NRXN3: variants seen among roughly 807,000 people sequenced by gnomAD.
NRXN3 encodes neurexin III.
NRXN3 carries 32 observed loss-of-function variants against 137.6 expected under a neutral mutation model. The ratio of observed to expected loss-of-function variants is 0.23; its 90% CI spans 0.18 to 0.31. The LOEUF (loss-of-function observed/expected upper bound fraction) is 0.31. NRXN3 is among the 10% of genes least tolerant of loss of function. NRXN3 has a pLI of 1.00. For synonymous variants in NRXN3, 798 were observed against 784.5 expected, an observed-to-expected ratio of 1.02 and a Z score of -0.29; for missense variants, 1,574 against 2,062.5, an observed-to-expected ratio of 0.76 and a Z score of 4.59.
At chr14:78,632,272 C>CT (rs1260605061) in intron 4 of NRXN3, among the ~76,000 whole-genome samples, 1 of 152,072 alleles carries the variant, frequency 6.6e-6, no homozygotes, top group Non-Finnish European at 1.5e-5. Context: ...GTTAATACCT[C>CT]TAAGTTTTTG....
intron 15 of NRXN3, among the ~76,000 whole-genome samples, chr14:79,429,123 A>G (rs2095704173): frequency 6.6e-6 from 1 of 152,182 alleles, no homozygotes; most frequent in Non-Finnish European, 1.5e-5. Flanking sequence ...GTGACATGAA[A>G]TCACAGAATT....
At chr14:79,537,647 T>G (rs1289886715) in intron 16 of NRXN3, among the ~76,000 whole-genome samples, 2 of 152,208 alleles carry the variant, frequency 1.3e-5, no homozygotes, top group African/African-American at 4.8e-5. Context: ...CTGCATAGTA[T>G]TCCATGGTGT....
intron 16 of NRXN3, among the ~76,000 whole-genome samples, chr14:79,614,786 C>T (rs1322942910): frequency 6.6e-6 from 1 of 152,174 alleles, no homozygotes; most frequent in African/African-American, 2.4e-5. Flanking sequence ...TACCAGAATC[C>T]CTAGCATCTA....
intron 15 of NRXN3, among the ~76,000 whole-genome samples, chr14:79,141,184 C>T (rs2058754890): frequency 1.3e-5 from 2 of 152,150 alleles, no homozygotes; most frequent in African/African-American, 4.8e-5. Flanking sequence ...CAACACAGCT[C>T]ATGCCAGTGG....
chr14:79,479,352 T>A (rs1303653239), intron 16 of NRXN3, among the ~76,000 whole-genome samples: 1 of 152,066 alleles, frequency 6.6e-6, no homozygotes, highest in East Asian at 1.9e-4. Context: ...GTTAAACTAG[T>A]GGCATTACCT....
chr14:78,547,874 A>G (rs2096651313), intron 4 of NRXN3, among the ~76,000 whole-genome samples: 1 of 152,162 alleles, frequency 6.6e-6, no homozygotes, highest in Non-Finnish European at 1.5e-5. Flanking sequence ...TAAACAAGAA[A>G]AATACATTCA....
At chr14:79,774,817 A>T (rs978153096) in intron 19 of NRXN3, among the ~76,000 whole-genome samples, 9 of 152,126 alleles carry the variant, frequency 5.9e-5, no homozygotes, top group African/African-American at 2.2e-4. Context: ...TTTGCTCTCT[A>T]TTTTGTTATA....
intron 4 of NRXN3, among the ~76,000 whole-genome samples, chr14:78,547,003 GA>G (rs1193120221): frequency 6.6e-6 from 1 of 151,862 alleles, no homozygotes; most frequent in Admixed American, 6.6e-5. Flanking sequence ...GACTATTTAT[GA>G]AAAAAGCCAC....
chr14:78,593,920 C>T (rs554672411), intron 4 of NRXN3, among the ~76,000 whole-genome samples: 48 of 152,228 alleles, frequency 3.2e-4, no homozygotes, highest in South Asian at 2.5e-3. Context: ...TGTATTCCAA[C>T]GATGCTAGAT....
chr14:78,709,779 T>C, intron 7 of NRXN3, 124 bp downstream of exon 7: 2 of 837,916 alleles, frequency 2.4e-6, no homozygotes, highest in Admixed American at 5.5e-5. Context: ...CTACTCTCTT[T>C]AATGGCTGTT....
At chr14:78,592,982 C>T (rs909564205) in intron 4 of NRXN3, among the ~76,000 whole-genome samples, 2 of 152,136 alleles carry the variant, frequency 1.3e-5, no homozygotes, top group East Asian at 1.9e-4. Flanking sequence ...ATCGGCAGAG[C>T]GACCTTGCTC....
chr14:79,157,087 G>A (rs1409200036), intron 15 of NRXN3, among the ~76,000 whole-genome samples: 2 of 151,770 alleles, frequency 1.3e-5, no homozygotes, highest in African/African-American at 4.8e-5. Flanking sequence ...ATCTGCCATT[G>A]TTGCTGGTGG....
chr14:79,588,277 A>G (rs2097777247), intron 16 of NRXN3, among the ~76,000 whole-genome samples: 1 of 152,166 alleles, frequency 6.6e-6, no homozygotes, highest in African/African-American at 2.4e-5. Context: ...CGTAGATCAA[A>G]ATATTGTTAT....
In NRXN3 at chr14:79,071,723, T is replaced by C. The variant is rs115390249; in HGVS notation, c.3262+83582T>C. ...GGGACGGTTCATTGGTACCAAAAAA[T>C]AGTTAGAAAGAATAAATAAGATTTA... On this transcript the variant is annotated intron_variant, in intron 15 of 20. Transcript: ENST00000335750. 5.3e-3 allele frequency among the ~76,000 whole-genome samples: 800 copies of C among 152,154 alleles called. 7 individuals carry two copies. Among genetic ancestry groups the C allele is most frequent in the African/African-American group, 0.018 (760 of 41,514 alleles).
intron 16 of NRXN3, among the ~76,000 whole-genome samples, chr14:79,605,124 T>C (rs1316064106): frequency 6.6e-6 from 1 of 152,216 alleles, no homozygotes; most frequent in African/African-American, 2.4e-5. Flanking sequence ...CTCGTGTTCA[T>C]GATCATGGCT....
At chr14:79,438,837 G>A (rs1352347799) in intron 15 of NRXN3, among the ~76,000 whole-genome samples, 1 of 152,216 alleles carries the variant, frequency 6.6e-6, no homozygotes, top group Non-Finnish European at 1.5e-5. Context: ...AGAGAAAGGT[G>A]CCATTGAGCC....
chr14:78,547,485 A>G (rs1372248273), intron 4 of NRXN3, among the ~76,000 whole-genome samples: 3 of 152,130 alleles, frequency 2.0e-5, no homozygotes, highest in African/African-American at 7.2e-5. Context: ...ACTTTTATGT[A>G]TAATTTATGT....
At chr14:79,827,172 A>G (rs1238952242) in intron 20 of NRXN3, among the ~76,000 whole-genome samples, 1 of 152,170 alleles carries the variant, frequency 6.6e-6, no homozygotes, top group Non-Finnish European at 1.5e-5. Context: ...GTGTGATGAC[A>G]AACGTTGATG....
intron 8 of NRXN3, among the ~76,000 whole-genome samples, chr14:78,753,061 G>A (rs187634966): frequency 1.6e-3 from 240 of 152,268 alleles, no homozygotes; most frequent in South Asian, 0.015. Context: ...GACCCCAGAT[G>A]TCAATTCAGA....
Sources: allele counts gnomAD v4.1 joint callset (sites outside exome capture counted in the v4.1 genomes callset), GRCh38; gene constraint gnomAD v4.1.1; transcripts MANE v1.5; gene names NCBI Gene and HGNC (gene_info 2026-07-23, HGNC 2026-07-21).